Variants in XYLT1 observed in about 807,000 individuals in gnomAD.
XYLT1 encodes the protein xylosyltransferase 1.
XYLT1 carries 36 observed loss-of-function variants against 91.3 expected under a neutral mutation model. The ratio of observed to expected loss-of-function variants is 0.39; its 90% CI spans 0.30 to 0.52. The LOEUF (loss-of-function observed/expected upper bound fraction) is 0.52. XYLT1 is among the 20% of genes least tolerant of loss of function. The pLI is 0.68. For missense variants in XYLT1, 1,242 were observed against 1,284.5 expected (o/e 0.97, Z 0.51); for synonymous variants, 588 against 532.0 (o/e 1.11, Z -1.45).
intron 5 of XYLT1, 84 bp from the exon 6 acceptor site, chr16:17,158,993 T>G: frequency 3.2e-6 from 4 of 1,233,572 alleles, no homozygotes; most frequent in Non-Finnish European, 4.8e-6. Context: ...ACCAATTATG[T>G]CAGTCTGCTT....
At chr16:17,167,255 C>T (rs2031710336) in intron 5 of XYLT1, among the ~76,000 whole-genome samples, 1 of 152,256 alleles carries the variant, frequency 6.6e-6, no homozygotes, top group Non-Finnish European at 1.5e-5. Context: ...CTGCAGCTGC[C>T]TTCTGAAGCC....
chr16:17,392,573 C>T (rs1171648283), intron 1 of XYLT1, among the ~76,000 whole-genome samples: 1 of 152,158 alleles, frequency 6.6e-6, no homozygotes, highest in Non-Finnish European at 1.5e-5. Context: ...AAACGACCAT[C>T]GGAAGGAGAA....
intron 11 of XYLT1, among the ~76,000 whole-genome samples, chr16:17,114,363 G>A (rs921825314): frequency 2.6e-5 from 4 of 152,178 alleles, no homozygotes; most frequent in African/African-American, 7.2e-5. Flanking sequence ...AGAAGGGGGT[G>A]GTCTTATGGC....
intron 2 of XYLT1, among the ~76,000 whole-genome samples, chr16:17,353,644 C>T (rs2035250972): frequency 6.6e-6 from 1 of 152,202 alleles, no homozygotes; most frequent in Admixed American, 6.5e-5. Context: ...TTCTATCCAT[C>T]TACCCATCAT....
chr16:17,246,760 G>C (rs1222229000), intron 3 of XYLT1, among the ~76,000 whole-genome samples: 3 of 152,186 alleles, frequency 2.0e-5, no homozygotes, highest in Non-Finnish European at 4.4e-5. Flanking sequence ...GCAGGGGCTG[G>C]AGATCCAGTG....
At chr16:17,454,291 T>C (rs897874970) in intron 1 of XYLT1, among the ~76,000 whole-genome samples, 1 of 152,236 alleles carries the variant, frequency 6.6e-6, no homozygotes, top group South Asian at 2.1e-4. Flanking sequence ...AGAATGGATA[T>C]GTAAATTGTG....
chr16:17,324,383 T>C (rs1218694209), intron 2 of XYLT1, among the ~76,000 whole-genome samples: 1 of 152,168 alleles, frequency 6.6e-6, no homozygotes, highest in Non-Finnish European at 1.5e-5. Context: ...GCCTGTCCCT[T>C]TGCAGTGGCC....
chr16:17,163,745 G>A (rs2031605662), intron 5 of XYLT1, among the ~76,000 whole-genome samples: 1 of 152,168 alleles, frequency 6.6e-6, no homozygotes, highest in African/African-American at 2.4e-5. Context: ...GACCCATTGT[G>A]GGGCAGAAAC....
At chr16:17,158,080 C>T (rs919624110) in intron 6 of XYLT1, among the ~76,000 whole-genome samples, 1 of 152,246 alleles carries the variant, frequency 6.6e-6, no homozygotes, top group Non-Finnish European at 1.5e-5. Context: ...TGAGGAATCC[C>T]ATCACGTGAT....
At chr16:17,342,477 T>A (rs36117627) in intron 2 of XYLT1, among the ~76,000 whole-genome samples, 22 of 151,754 alleles carry the variant, frequency 1.4e-4, no homozygotes, top group Non-Finnish European at 3.1e-4. Context: ...ATCCCAGCAC[T>A]TTGGGAGGCC....
At chr16:17,206,153 G>A (rs1322277730) in intron 3 of XYLT1, among the ~76,000 whole-genome samples, 3 of 152,270 alleles carry the variant, frequency 2.0e-5, no homozygotes, top group South Asian at 2.1e-4. Context: ...GTCCATCTCT[G>A]ACCCCGCTGG....
At chr16:17,353,979 C>A (rs1040434408) in intron 2 of XYLT1, among the ~76,000 whole-genome samples, 1 of 152,216 alleles carries the variant, frequency 6.6e-6, no homozygotes, top group Non-Finnish European at 1.5e-5. Flanking sequence ...GGGTATCACA[C>A]AAACACCTGT....
At chr16:17,160,434 A>G (rs146385981) in intron 5 of XYLT1, among the ~76,000 whole-genome samples, 1 of 152,072 alleles carries the variant, frequency 6.6e-6, no homozygotes, top group Middle Eastern at 3.2e-3. Context: ...TCATTGGATG[A>G]CTCATGTTGA....
At chr16:17,194,528 G>T (rs1465304187) in intron 5 of XYLT1, among the ~76,000 whole-genome samples, 2 of 152,180 alleles carry the variant, frequency 1.3e-5, no homozygotes, top group Non-Finnish European at 2.9e-5. Flanking sequence ...CAGCCCCTAA[G>T]ACTGAGGAAC....
At chr16:17,197,014 A>ATATAT (rs1597184723) in intron 5 of XYLT1, among the ~76,000 whole-genome samples, 46 of 110,502 alleles carry the variant, frequency 4.2e-4, no homozygotes, top group African/African-American at 2.0e-3. Context: ...CTGTCTCCAA[A>ATATAT]ATATATATAT....
chr16:17,241,225 CACCTAA>C (rs2141734560), intron 3 of XYLT1, among the ~76,000 whole-genome samples: 1 of 152,356 alleles, frequency 6.6e-6, no homozygotes, highest in Non-Finnish European at 1.5e-5. Flanking sequence ...GCGTTTCATG[CACCTAA>C]TGGTGCAGTT....
At chr16:17,230,835 A>G (rs2033146920) in intron 3 of XYLT1, among the ~76,000 whole-genome samples, 1 of 152,216 alleles carries the variant, frequency 6.6e-6, no homozygotes, top group Non-Finnish European at 1.5e-5. Flanking sequence ...CCCCCTAGAT[A>G]CATCTATCAA....
At chr16:17,258,884 G>A (rs1276654325) in intron 3 of XYLT1, 104 bp downstream of exon 3, 1 of 1,327,086 alleles carries the variant, frequency 7.5e-7, no homozygotes, top group Non-Finnish European at 9.8e-7. Context: ...TGGAAAACAG[G>A]GTGGCCTTTC....
chr16:17,245,482 T>C (rs1276925790), intron 3 of XYLT1, among the ~76,000 whole-genome samples: 1 of 152,254 alleles, frequency 6.6e-6, no homozygotes, highest in Non-Finnish European at 1.5e-5. Context: ...ATTAGTTTAC[T>C]AATTTCGCCA....
Sources: allele counts gnomAD v4.1 joint callset (sites outside exome capture counted in the v4.1 genomes callset), GRCh38; gene constraint gnomAD v4.1.1; transcripts MANE v1.5; gene names NCBI Gene and HGNC (gene_info 2026-07-23, HGNC 2026-07-21).